Variants in SPAG16 observed in about 807,000 individuals in gnomAD.
The protein encoded by SPAG16 is sperm-associated antigen 16 protein.
In SPAG16, 86 loss-of-function variants were observed where a neutral mutation model predicts 80.4. The observed-to-expected ratio is 1.07, with a 90% confidence interval of 0.90 to 1.28. The LOEUF (loss-of-function observed/expected upper bound fraction) is 1.28. Among genes scored for constraint, SPAG16 ranks in the 50% most tolerant of loss-of-function variants. The pLI is 0.00. For synonymous variants in SPAG16, 294 were observed against 265.9 expected, an observed-to-expected ratio of 1.11 and a Z score of -1.03; for missense variants, 870 against 765.3, an observed-to-expected ratio of 1.14 and a Z score of -1.61.
At chr2:213,537,720 C>A (rs1251560680) in intron 10 of SPAG16, among the ~76,000 whole-genome samples, 1 of 152,042 alleles carries the variant, frequency 6.6e-6, no homozygotes, top group East Asian at 1.9e-4. Context: ...TCTACATAGT[C>A]ATTGTGCTTG....
At chr2:213,552,050 G>A (rs931520148) in intron 10 of SPAG16, among the ~76,000 whole-genome samples, 1 of 152,096 alleles carries the variant, frequency 6.6e-6, no homozygotes, top group African/African-American at 2.4e-5. Flanking sequence ...CTTCATATCA[G>A]TTGTTTGTAA....
intron 10 of SPAG16, among the ~76,000 whole-genome samples, chr2:213,835,389 C>A (rs577701873): frequency 1.3e-5 from 2 of 152,120 alleles, no homozygotes; most frequent in Non-Finnish European, 2.9e-5. Flanking sequence ...TCCCACACTG[C>A]GAGCTTGTCT....
At chr2:214,120,630 G>T (rs1369786385) in intron 14 of SPAG16, among the ~76,000 whole-genome samples, 2 of 151,538 alleles carry the variant, frequency 1.3e-5, no homozygotes, top group African/African-American at 4.8e-5. Flanking sequence ...AATTTTCATT[G>T]TCACTTAAAA....
At chr2:213,794,738 T>C (rs2070918579) in intron 10 of SPAG16, among the ~76,000 whole-genome samples, 1 of 142,276 alleles carries the variant, frequency 7.0e-6, no homozygotes, top group African/African-American at 2.5e-5. Context: ...TAACAATAAC[T>C]CTTCGAAAAA....
Position 213,680,263 on chromosome 2 carries a change from C to T in SPAG16, c.1071-182222C>T, listed in dbSNP as rs190030856. The stretch of plus-strand genomic sequence containing the variant: ...CCACCTAGTCCCTTTGATAAGGAGC[C>T]TTGTTTGGCTGGGGGACCTTATCCA... On this transcript the variant is annotated intron_variant, in intron 10 of 15. Coordinates refer to ENST00000331683, the MANE Select transcript of SPAG16 (RefSeq NM_024532.5). Among the ~76,000 whole-genome samples the T allele has an allele frequency of 6.6e-5, 10 of 152,076 alleles. 1 individual carries two copies. The highest frequency in any genetic ancestry group is 2.4e-4 in the African/African-American group (10 of 41,520).
chr2:213,719,631 G>A (rs141325418), intron 10 of SPAG16, among the ~76,000 whole-genome samples: 161 of 152,272 alleles, frequency 1.1e-3, no homozygotes, highest in Middle Eastern at 6.8e-3. Context: ...ACCAATTCTG[G>A]ACACAATACC....
intron 14 of SPAG16, among the ~76,000 whole-genome samples, 183 bp downstream of exon 14, chr2:214,108,444 C>CACACACAG: frequency 1.6e-5 from 1 of 61,306 alleles, no homozygotes; most frequent in Non-Finnish European, 4.0e-5. Context: ...AAAATTCACA[C>CACACACAG]ACACACACAC....
chr2:213,826,808 G>A (rs544379992), intron 10 of SPAG16, among the ~76,000 whole-genome samples: 1 of 152,014 alleles, frequency 6.6e-6, no homozygotes, highest in South Asian at 2.1e-4. Context: ...TTCTGTCTGG[G>A]AGATCTCTCT....
Position 214,108,241 on chromosome 2 carries a change from G to T in SPAG16, c.1573G>T (p.Asp525Tyr). The change falls in exon 14 of 16, where the codon GAT (aspartate) becomes TAT (tyrosine). Residue 525 changes from aspartate to tyrosine, a missense_variant. By Grantham distance (160) the Asp-to-Tyr change is radical. Transcript: ENST00000331683. ...TTATGGTCACATGCATTCTATCAAT[G>T]ATGCCATTTTTGATCCCAGGGTAAG... Reference protein sequence around the residue: ...SLYGHMHSINDAIFDPRGHMI... With the variant: ...SLYGHMHSINYAIFDPRGHMI... 1 of 1,601,472 alleles carries T rather than the reference G, an allele frequency of 6.2e-7. No individual in the cohort carries two copies. Among genetic ancestry groups the T allele is most frequent in the Non-Finnish European group, 8.5e-7 (1 of 1,170,636 alleles).
At chr2:213,776,621 A>G (rs1575106815) in intron 10 of SPAG16, among the ~76,000 whole-genome samples, 1 of 152,118 alleles carries the variant, frequency 6.6e-6, no homozygotes, top group Non-Finnish European at 1.5e-5. Flanking sequence ...TGTGAGGGTG[A>G]AATTTTAAAA....
At chr2:213,795,942 C>T (rs79218614) in intron 10 of SPAG16, among the ~76,000 whole-genome samples, 3,195 of 152,180 alleles carry the variant, frequency 0.021, 108 homozygotes, top group African/African-American at 0.069. Context: ...TACCCAGCCT[C>T]AAGTGTTTCT....
intron 9 of SPAG16, among the ~76,000 whole-genome samples, chr2:213,388,377 C>G (rs149943811): frequency 6.6e-6 from 1 of 152,288 alleles, no homozygotes; most frequent in African/African-American, 2.4e-5. Context: ...TCTCCTTTTC[C>G]CACCTTCGTT....
intron 13 of SPAG16, among the ~76,000 whole-genome samples, chr2:214,080,866 G>A (rs2051350805): frequency 6.6e-6 from 1 of 151,606 alleles, no homozygotes; most frequent in African/African-American, 2.4e-5. Flanking sequence ...GACTGAACAG[G>A]AAGGCTTATA....
At chr2:213,773,782 G>T (rs972464319) in intron 10 of SPAG16, among the ~76,000 whole-genome samples, 1 of 152,150 alleles carries the variant, frequency 6.6e-6, no homozygotes, top group Admixed American at 6.5e-5. Flanking sequence ...CTGAACTCCT[G>T]ACCTTGTGAT....
intron 13 of SPAG16, among the ~76,000 whole-genome samples, chr2:214,079,528 A>T (rs2051256336): frequency 6.6e-6 from 1 of 152,228 alleles, no homozygotes; most frequent in Non-Finnish European, 1.5e-5. Context: ...CAGAGAAGGC[A>T]TTAATGCAAA....
intron 10 of SPAG16, among the ~76,000 whole-genome samples, chr2:213,838,884 C>T (rs564062793): frequency 6.6e-6 from 1 of 152,306 alleles, no homozygotes; most frequent in African/African-American, 2.4e-5. Flanking sequence ...CAACATGGAA[C>T]AGAAGCATGA....
intron 13 of SPAG16, among the ~76,000 whole-genome samples, chr2:214,100,828 T>TTATTAA (rs1434217569): frequency 6.6e-6 from 1 of 152,130 alleles, no homozygotes; most frequent in Non-Finnish European, 1.5e-5. Flanking sequence ...GTCATTGCTA[T>TTATTAA]TATTAATAGT....
intron 15 of SPAG16, among the ~76,000 whole-genome samples, chr2:214,406,253 C>A (rs563054635): frequency 6.6e-6 from 1 of 151,962 alleles, no homozygotes; most frequent in Non-Finnish European, 1.5e-5. Context: ...ACTTCTCACA[C>A]GTGTTTCTAA....
intron 15 of SPAG16, among the ~76,000 whole-genome samples, chr2:214,256,499 C>T (rs1436348450): frequency 1.3e-5 from 2 of 151,838 alleles, no homozygotes; most frequent in African/African-American, 4.8e-5. Flanking sequence ...TTGCTGTTTT[C>T]TAAAAGCTTT....
Sources: allele counts gnomAD v4.1 joint callset (sites outside exome capture counted in the v4.1 genomes callset), GRCh38; gene constraint gnomAD v4.1.1; transcripts MANE v1.5; gene names NCBI Gene and HGNC (gene_info 2026-07-23, HGNC 2026-07-21).